ABCA3: variants seen among roughly 807,000 people sequenced by gnomAD.
ABCA3 encodes the protein phospholipid-transporting ATPase ABCA3.
In ABCA3, 88 loss-of-function variants were observed where a neutral mutation model predicts 172.8. The observed-to-expected ratio is 0.51, with a 90% CI of 0.43 to 0.61. The LOEUF is 0.61. Among genes scored for constraint, ABCA3 ranks in the 20% least tolerant of loss-of-function variants. The pLI is 0.00. For synonymous variants in ABCA3, 1,066 were observed against 983.8 expected (o/e 1.08, Z -1.56); for missense variants, 2,164 against 2,301.0 (o/e 0.94, Z 1.22).
intron 11 of ABCA3, among the ~76,000 whole-genome samples, chr16:2,304,927 G>A (rs562877539): frequency 2.6e-5 from 4 of 151,736 alleles, no homozygotes; most frequent in South Asian, 4.2e-4. Flanking sequence ...CGCCTGCCTC[G>A]GCCTCCCAAA....
rs752572180 is a variant in ABCA3, at chr16:2,277,650, G to A, written c.4930C>T (p.His1644Tyr). 4 of 1,613,216 alleles carry A rather than the reference G, an allele frequency of 2.5e-6. No individual in the cohort carries two copies. The highest frequency in any genetic ancestry group is 3.4e-6 in the Non-Finnish European group (4 of 1,180,024). The change falls in exon 32 of 33, where the codon CAC (histidine) becomes TAC (tyrosine). Residue 1644 changes from histidine (H) to tyrosine (Y), a missense_variant. His to Tyr is a moderately conservative substitution (Grantham distance 83). This residue lies in a region of ABCA3 where 795 missense variants were observed against 881.9 expected (regional missense o/e 0.90). Coordinates refer to ENST00000301732, the MANE Select transcript of ABCA3 (RefSeq NM_001089.3). The surrounding 1 kb of genome is among the most constrained non-coding windows in gnomAD (Gnocchi z 5.3). ...AGGTGGTAATGGACCATGCCTTGGT[G>A]CTCATCTTCCAGGACGCTGCCTGCA... ...TFPGSVLEDE[H>Y]QGMVHYHLPG...
chr16:2,318,443 C>T (rs9972732), intron 8 of ABCA3, among the ~76,000 whole-genome samples: 1,922 of 152,214 alleles, frequency 0.013, 26 homozygotes, highest in African/African-American at 0.044. Flanking sequence ...CAGGTGTGGC[C>T]GTTTCAACTG....
rs777975613 is a variant in ABCA3 at position 2,297,814 on chromosome 16, G to T, written c.2004C>A (p.Gly668=). 4.3e-6 allele frequency: 7 copies of T among 1,613,476 alleles called. No homozygotes were observed. Among genetic ancestry groups the T allele is most frequent in the Non-Finnish European group, 4.2e-6 (5 of 1,180,040 alleles). ...TGCCGATGGAGAGCTTGCGCCTCATGCCCCCGCTCAGGAAGCGGCTCCGTG... is the reference window on the plus strand; with the variant it reads ...TGCCGATGGAGAGCTTGCGCCTCATTCCCCCGCTCAGGAAGCGGCTCCGTG... The part of the protein sequence containing the change: ...WNSRSRFLSG[G]MRRKLSIGIA... Residue 668 remains glycine, a synonymous_variant, in exon 16 of 33, where the codon GGC becomes GGA. Coordinates refer to ENST00000301732, the MANE Select transcript of ABCA3 (RefSeq NM_001089.3). This position sits in a 1 kb window ranked among gnomAD's most constrained non-coding sequence, Gnocchi z 5.6.
intron 10 of ABCA3, among the ~76,000 whole-genome samples, chr16:2,314,569 C>T (rs915275067): frequency 2.7e-5 from 4 of 149,842 alleles, no homozygotes; most frequent in Non-Finnish European, 5.9e-5. Context: ...CTTAAAGCGG[C>T]CACAATGGTA....
At chr16:2,306,558 C>A (rs888869606) in intron 11 of ABCA3, among the ~76,000 whole-genome samples, 6 of 152,098 alleles carry the variant, frequency 3.9e-5, no homozygotes, top group Non-Finnish European at 7.4e-5. Flanking sequence ...TTGACTGGGC[C>A]CCCCAAATTC....
intron 7 of ABCA3, 96 bp downstream of exon 7, chr16:2,323,427 T>C (rs956727652): frequency 4.6e-6 from 7 of 1,513,002 alleles, no homozygotes; most frequent in Middle Eastern, 2.3e-4. Context: ...AAAGTATTTC[T>C]TCAAGAAATA....
intron 12 of ABCA3, among the ~76,000 whole-genome samples, chr16:2,300,956 C>T (rs1280102399): frequency 1.3e-5 from 2 of 150,154 alleles, no homozygotes; most frequent in Non-Finnish European, 1.5e-5. Context: ...CTTGGCTGGG[C>T]ACGGTGGCTC....
At chr16:2,315,033 A>G (rs1684675287) in intron 10 of ABCA3, among the ~76,000 whole-genome samples, 1 of 149,132 alleles carries the variant, frequency 6.7e-6, no homozygotes, top group Non-Finnish European at 1.5e-5. Flanking sequence ...ACCCGCCACC[A>G]CACCCGGCTA....
chr16:2,318,703 C>T lies in ABCA3; in HGVS notation c.873+878G>A, dbSNP rs574670352. Among the ~76,000 whole-genome samples, 38 of 151,980 alleles carry T rather than the reference C, an allele frequency of 2.5e-4. No individual in the cohort carries two copies. In the East Asian group the frequency reaches 5.8e-3, roughly 23 times the overall value. Reference sequence around the variant, plus strand: ...AATTTTTGTATTTTTAGTAGAGACACGGTTTCACCTTGCTGTCCAGGCTGG... The same window carrying T: ...AATTTTTGTATTTTTAGTAGAGACATGGTTTCACCTTGCTGTCCAGGCTGG... On this transcript the variant is annotated intron_variant, in intron 8 of 32. Transcript: ENST00000301732.
intron 20 of ABCA3, chr16:2,289,132 A>C (rs2093667821): frequency 2.3e-6 from 1 of 431,738 alleles, no homozygotes; most frequent in Admixed American, 3.9e-5. Flanking sequence ...GAGTGCATCA[A>C]CCAACCTCCG....
At chr16:2,315,346 C>T (rs2093713560) in intron 10 of ABCA3, among the ~76,000 whole-genome samples, 1 of 152,038 alleles carries the variant, frequency 6.6e-6, no homozygotes, top group Non-Finnish European at 1.5e-5. Context: ...CACACCTAGA[C>T]TTTTGGCAGA....
chr16:2,298,646 G>T, intron 14 of ABCA3, 106 bp from the exon 15 acceptor site: 1 of 1,438,688 alleles, frequency 7.0e-7, no homozygotes. Flanking sequence ...TTCCTCTGAG[G>T]ACCCTGCCCA....
Position 2,281,723 on chromosome 16 carries a change from C to G in ABCA3, c.4036-214G>C, listed in dbSNP as rs1249679343. Among the ~76,000 whole-genome samples, 2 of 152,042 alleles carry G rather than the reference C, an allele frequency of 1.3e-5. No individual in the cohort carries two copies. Among genetic ancestry groups the G allele is most frequent in the African/African-American group, 2.4e-5 (1 of 41,368 alleles). On this transcript the variant is annotated intron_variant, in intron 26 of 32. Transcript: ENST00000301732. The surrounding 1 kb of genome is among the most constrained non-coding windows in gnomAD (Gnocchi z 4.7). Reference sequence around the variant, plus strand: ...TAAACTAGCATCCAGGAGACATAAACTATCTGAGGAAAAAGAACTGTGCGG... The same window carrying G: ...TAAACTAGCATCCAGGAGACATAAAGTATCTGAGGAAAAAGAACTGTGCGG...
chr16:2,323,835 A>G lies in ABCA3; in HGVS notation c.448-147T>C, dbSNP rs545969495. The G allele has an allele frequency of 1.3e-3, 1,233 of 973,500 alleles. 1 individual carries two copies. The highest frequency in any genetic ancestry group is 2.7e-3 in the Admixed American group (151 of 56,070). The allele number at this position is 973,500 out of a possible 1,614,324, so 60.3% of individuals were successfully genotyped here. A position where few individuals can be genotyped will look rare whatever the true frequency, so the allele number is the denominator to read the frequency against. ...CTGAGTATCTCCAACAGGCCCCGGA[A>G]TGTCACACTGAGTGGTCCCTGTCCT... On this transcript the variant is annotated intron_variant, in intron 6 of 32. Transcript: ENST00000301732.
At chr16:2,282,219 C>A (rs954420364) in intron 26 of ABCA3, among the ~76,000 whole-genome samples, 1 of 152,212 alleles carries the variant, frequency 6.6e-6, no homozygotes, top group Non-Finnish European at 1.5e-5. Flanking sequence ...GTCTCAGCTT[C>A]CCTAGTAGCT....
Position 2,288,279 on chromosome 16 carries a change from T to C in ABCA3, c.2751A>G (p.Ala917=). The C allele has an allele frequency of 6.3e-7, 1 of 1,582,042 alleles. No homozygotes were observed. The highest frequency in any genetic ancestry group is 1.3e-5 in the African/African-American group (1 of 74,600). ...CCATTTTCCACTCGCGCCAGCTGTA[T>C]GCGGCCTTCTTCAGGAACATGGCCC... is the stretch of plus-strand genomic sequence containing the variant. ...QFWAMFLKKA[A]YSWREWKMVA... is the part of the protein sequence containing the mutation. Residue 917 remains alanine (A), a synonymous_variant, in exon 21 of 33, where the codon GCA becomes GCG. Transcript: ENST00000301732.
At chr16:2,334,906 G>A (rs2093749403) in intron 1 of ABCA3, among the ~76,000 whole-genome samples, 1 of 151,062 alleles carries the variant, frequency 6.6e-6, no homozygotes. Flanking sequence ...TTGGCTCATG[G>A]CTACATCCAC....
In ABCA3 at chr16:2,297,234, T is replaced by G; in HGVS notation, c.2263+95A>C. ...CAGGAAGTCTAGAAAAGGCCACCCC[T>G]GCCTGATCTGAGGGCCCTTCATGAA... On this transcript the variant is annotated intron_variant, in intron 17 of 32. Transcript: ENST00000301732. The surrounding 1 kb of genome is among the most constrained non-coding windows in gnomAD (Gnocchi z 5.6). The G allele has an allele frequency of 1.4e-6, 2 of 1,411,680 alleles. No homozygotes were observed. The highest frequency in any genetic ancestry group is 2.0e-6 in the Non-Finnish European group (2 of 1,024,312). The allele number at this position is 1,411,680 out of a possible 1,614,324, so 87.4% of individuals were successfully genotyped here. A position where few individuals can be genotyped will look rare whatever the true frequency, so the allele number is the denominator to read the frequency against.
At chr16:2,300,223 T>C in intron 12 of ABCA3, 75 bp from the exon 13 acceptor site, 5 of 1,594,234 alleles carry the variant, frequency 3.1e-6, no homozygotes, top group African/African-American at 1.4e-5. Context: ...ACACACTAGA[T>C]GCACACAGCC....
Sources: allele counts gnomAD v4.1 joint callset (sites outside exome capture counted in the v4.1 genomes callset), GRCh38; gene constraint gnomAD v4.1.1; regional missense constraint gnomAD v4.1.1; non-coding constraint Gnocchi (gnomAD v3.1); transcripts MANE v1.5; gene names NCBI Gene and HGNC (gene_info 2026-07-23, HGNC 2026-07-21).